The following SREK1IP1 variants were observed in gnomAD, a reference collection of about 807,000 sequenced individuals.
SREK1IP1 encodes the protein SREK1 interacting protein 1.
Under a neutral mutation model 22.8 loss-of-function variants are expected in SREK1IP1, and 12 were observed. That is an observed-to-expected ratio of 0.53 (90% CI 0.34 to 0.85). The LOEUF is 0.85. SREK1IP1 is among the 40% of genes least tolerant of loss of function. The pLI is 0.02. For synonymous variants in SREK1IP1, 53 were observed against 52.7 expected (o/e 1.01, Z -0.02); for missense variants, 147 against 171.8 (o/e 0.86, Z 0.81).
chr5:64,723,349 T>TCC lies in SREK1IP1; in HGVS notation c.*1033_*1034dup, dbSNP rs1314951540. On this transcript the variant is annotated 3_prime_UTR_variant, in exon 5 of 5. Transcript: ENST00000513458. Reference sequence around the variant, plus strand: ...GCCACTAAAGTAAAAGAGAGAAACATCCCAAACTGGTCATTTATGAAAACG... The same window carrying TCC: ...GCCACTAAAGTAAAAGAGAGAAACATCCCCCAAACTGGTCATTTATGAAAACG... The TCC allele has an allele frequency of 6.6e-6, 1 of 151,096 alleles. No homozygotes were observed. Among genetic ancestry groups the TCC allele is most frequent in the Non-Finnish European group, 1.5e-5 (1 of 68,012 alleles). The allele number at this position is 151,096 out of a possible 1,614,324, so 9.4% of individuals were successfully genotyped here.
Position 64,723,063 on chromosome 5 carries a change from G to T in SREK1IP1, c.*1321C>A, listed in dbSNP as rs2112082289. 1 of 152,324 alleles carries T rather than the reference G, an allele frequency of 6.6e-6. No homozygotes were observed. The highest frequency in any genetic ancestry group is 1.9e-4 in the East Asian group (1 of 5,186). 9.4% of individuals were successfully genotyped at this position (152,324 alleles called of 1,614,324 possible). ...TTGGTGCTGTGCCATGACATTGGTT[G>T]ATGTTCGATGCTTCTACAACATAAG... is the stretch of plus-strand genomic sequence containing the variant. On this transcript the variant is annotated 3_prime_UTR_variant, in exon 5 of 5. Transcript: ENST00000513458.
rs561238539 is a variant in SREK1IP1, at chr5:64,753,374, T to C, written c.61+941A>G. Among the ~76,000 whole-genome samples the C allele has an allele frequency of 6.8e-4, 104 of 152,326 alleles. No individual in the cohort carries two copies. In the South Asian group the frequency reaches 0.016, roughly 23 times the overall value. ...TAAACAAATTTAAAAATAGAAAAGA[T>C]TTCATTGCACTCATTTCTTGCGTGC... On this transcript the variant is annotated intron_variant, in intron 2 of 4. Transcript: ENST00000513458.
At chr5:64,728,397 A>G (rs1742313348) in intron 3 of SREK1IP1, among the ~76,000 whole-genome samples, 1 of 152,314 alleles carries the variant, frequency 6.6e-6, no homozygotes, top group African/African-American at 2.4e-5. Context: ...AAGTCCATCA[A>G]GTAAAAAAAT....
rs866131229 is a variant in SREK1IP1, at chr5:64,768,594, C to T, written c.-77G>A. 2 of 1,608,664 alleles carry T rather than the reference C, an allele frequency of 1.2e-6. No individual in the cohort carries two copies. The highest frequency in any genetic ancestry group is 1.7e-6 in the Non-Finnish European group (2 of 1,176,266). The stretch of plus-strand genomic sequence containing the variant: ...CTTCCCGCCAGCTGTGAGAACAAGG[C>T]ACAGTCAAAGCGGCGTTTTCCTTCC... On this transcript the variant is annotated 5_prime_UTR_variant, in exon 1 of 5. Coordinates refer to ENST00000513458, the MANE Select transcript of SREK1IP1 (RefSeq NM_173829.4).
At position 64,742,971 on chromosome 5, in the gene SREK1IP1, T is replaced by C. The variant is rs56223620; in HGVS notation, c.62-1771A>G. 9.1e-3 allele frequency among the ~76,000 whole-genome samples: 1,393 copies of C among 152,288 alleles called. 37 individuals carry two copies. Among genetic ancestry groups the C allele is most frequent in the East Asian group, 0.076 (393 of 5,184 alleles). On this transcript the variant is annotated intron_variant, in intron 2 of 4. Transcript: ENST00000513458. Reference sequence around the variant, plus strand: ...GCACTCTTTTTAGCTTCCAAACATATGGAGTTTTCAGGCTTTGTGTTTATT... The same window carrying C: ...GCACTCTTTTTAGCTTCCAAACATACGGAGTTTTCAGGCTTTGTGTTTATT...
chr5:64,768,639 C>T lies in SREK1IP1; in HGVS notation c.-122G>A, dbSNP rs188786213. 4.2e-6 allele frequency: 6 copies of T among 1,438,722 alleles called. No individual in the cohort carries two copies. In the Admixed American group the frequency reaches 5.5e-5, roughly 13 times the overall value. The allele number at this position is 1,438,722 out of a possible 1,614,324, so 89.1% of individuals were successfully genotyped here. ...CCTTCCCCCAGCGCAGCAGCACCCT[C>T]GCTACGGTCGGGAAGGGCCTGTACG... On this transcript the variant is annotated 5_prime_UTR_variant, in exon 1 of 5. Coordinates refer to ENST00000513458, the MANE Select transcript of SREK1IP1 (RefSeq NM_173829.4).
At chr5:64,754,275 T>C (rs1305098852) in intron 2 of SREK1IP1, 40 bp downstream of exon 2, 2 of 1,597,824 alleles carry the variant, frequency 1.3e-6, no homozygotes, top group Non-Finnish European at 1.7e-6. Context: ...ATGATTCCAG[T>C]ATGAATAATG....
rs1404899914 is a variant in SREK1IP1 at position 64,723,659 on chromosome 5, C to T, written c.*725G>A. On this transcript the variant is annotated 3_prime_UTR_variant, in exon 5 of 5. Coordinates refer to ENST00000513458, the MANE Select transcript of SREK1IP1 (RefSeq NM_173829.4). Reference sequence around the variant, plus strand: ...ACCAACTCAGCATCATCTCTGCAGACTTACTAACAGGCTGAACTAATCTCT... The same window carrying T: ...ACCAACTCAGCATCATCTCTGCAGATTTACTAACAGGCTGAACTAATCTCT... 6.6e-6 allele frequency: 1 copy of T among 152,590 alleles called. No individual in the cohort carries two copies. The highest frequency in any genetic ancestry group is 2.4e-5 in the African/African-American group (1 of 41,436). The allele number at this position is 152,590 out of a possible 1,614,324, so 9.5% of individuals were successfully genotyped here.
chr5:64,763,976 C>T (rs1015254040), intron 1 of SREK1IP1, among the ~76,000 whole-genome samples: 2 of 152,164 alleles, frequency 1.3e-5, no homozygotes, highest in Admixed American at 1.3e-4. Context: ...AGAAGGTTAA[C>T]ATAACAGTGG....
intron 2 of SREK1IP1, among the ~76,000 whole-genome samples, chr5:64,742,276 A>G (rs1742565089): frequency 6.6e-6 from 1 of 152,180 alleles, no homozygotes; most frequent in Non-Finnish European, 1.5e-5. Context: ...AAAAGTGTTT[A>G]AATGGGCAGT....
chr5:64,743,927 A>T (rs1742590990), intron 2 of SREK1IP1, among the ~76,000 whole-genome samples: 1 of 152,174 alleles, frequency 6.6e-6, no homozygotes, highest in South Asian at 2.1e-4. Context: ...ATGGTCCAGC[A>T]GCTGTCACAC....
In SREK1IP1 at chr5:64,768,639, C is replaced by G. The variant is rs188786213; in HGVS notation, c.-122G>C. On this transcript the variant is annotated 5_prime_UTR_variant, in exon 1 of 5. Coordinates refer to ENST00000513458, the MANE Select transcript of SREK1IP1 (RefSeq NM_173829.4). ...CCTTCCCCCAGCGCAGCAGCACCCT[C>G]GCTACGGTCGGGAAGGGCCTGTACG... The G allele has an allele frequency of 7.0e-7, 1 of 1,438,840 alleles. No individual in the cohort carries two copies. The allele number at this position is 1,438,840 out of a possible 1,614,324, so 89.1% of individuals were successfully genotyped here.
chr5:64,751,948 C>A (rs972497202), intron 2 of SREK1IP1, among the ~76,000 whole-genome samples: 9 of 152,054 alleles, frequency 5.9e-5, no homozygotes, highest in Admixed American at 1.3e-4. Context: ...CTGTGATCAA[C>A]CACTGGGTCT....
chr5:64,730,760 A>C (rs552790223), intron 3 of SREK1IP1, among the ~76,000 whole-genome samples: 31 of 152,290 alleles, frequency 2.0e-4, no homozygotes, highest in Admixed American at 1.5e-3. Flanking sequence ...AATAAATGCA[A>C]GCTGAGATTA....
At chr5:64,767,367 T>C (rs1743056067) in intron 1 of SREK1IP1, among the ~76,000 whole-genome samples, 1 of 152,246 alleles carries the variant, frequency 6.6e-6, no homozygotes, top group African/African-American at 2.4e-5. Flanking sequence ...TTCTAAGTTC[T>C]GTGTGAAGCG....
intron 2 of SREK1IP1, among the ~76,000 whole-genome samples, chr5:64,746,575 A>G (rs1742641912): frequency 6.6e-6 from 1 of 152,234 alleles, no homozygotes; most frequent in Admixed American, 6.5e-5. Flanking sequence ...GAATAAGCAC[A>G]TGAAAAGATA....
At chr5:64,736,523 AT>A (rs2112093355) in intron 3 of SREK1IP1, among the ~76,000 whole-genome samples, 1 of 150,906 alleles carries the variant, frequency 6.6e-6, no homozygotes, top group South Asian at 2.1e-4. Flanking sequence ...ATGCAGTGGC[AT>A]GATCTCGGCT....
chr5:64,750,288 C>A (rs1335278941), intron 2 of SREK1IP1, among the ~76,000 whole-genome samples: 1 of 152,172 alleles, frequency 6.6e-6, no homozygotes, highest in Non-Finnish European at 1.5e-5. Context: ...ATGCATAGAT[C>A]TGTTTTTGAT....
chr5:64,749,473 G>T (rs1742704839), intron 2 of SREK1IP1, among the ~76,000 whole-genome samples: 1 of 149,628 alleles, frequency 6.7e-6, no homozygotes, highest in Non-Finnish European at 1.5e-5. Flanking sequence ...GTCTGGCTCT[G>T]TTACCCAGGC....
Sources: gnomAD v4.1 joint callset for allele counts (sites outside exome capture counted in the v4.1 genomes callset) on GRCh38, gnomAD v4.1.1 for gene constraint, MANE v1.5 for transcripts, NCBI Gene and HGNC (gene_info 2026-07-23, HGNC 2026-07-21) for gene names.